UBE2O: variants seen among roughly 807,000 people sequenced by gnomAD.
The protein encoded by UBE2O is (E3-independent) E2 ubiquitin-conjugating enzyme.
A neutral mutation model predicts 125.8 loss-of-function variants in UBE2O; 15 were observed. The observed-to-expected ratio is 0.12, with a 90% confidence interval of 0.08 to 0.18. The LOEUF (loss-of-function observed/expected upper bound fraction) is 0.18. Among genes scored for constraint, UBE2O ranks in the 10% least tolerant of loss-of-function variants. UBE2O has a pLI of 1.00. For missense variants in UBE2O, 1,280 were observed against 1,723.6 expected, an observed-to-expected ratio of 0.74 and a Z score of 4.56; for synonymous variants, 708 against 703.2, an observed-to-expected ratio of 1.01 and a Z score of -0.11.
rs531040975 is a variant in UBE2O at position 76,400,491 on chromosome 17, C to T, written c.954G>A (p.Thr318=). Residue 318 remains threonine (T), a synonymous_variant, in exon 7 of 18, where the codon ACG becomes ACA. Transcript: ENST00000319380. The surrounding 1 kb of genome is among the most constrained non-coding windows in gnomAD (Gnocchi z 4.3). The part of the protein sequence containing the change: ...WITKSFCPGG[T]DSVSPPPSVI... ...CAGAGGGTGGGGGGCTGACGCTGTC[C>T]GTGCCCCCTGGACAGAAACTCTTGG... 1.2e-5 allele frequency: 20 copies of T among 1,613,394 alleles called. No homozygotes were observed. Among genetic ancestry groups the T allele is most frequent in the African/African-American group, 9.3e-5 (7 of 75,022 alleles).
At chr17:76,401,188 G>A in intron 5 of UBE2O, 34 bp from the exon 6 acceptor site, 1 of 1,609,528 alleles carries the variant, frequency 6.2e-7, no homozygotes, top group Non-Finnish European at 8.5e-7. Context: ...AAGTCCCCGT[G>A]AGCGGTGTCT....
At chr17:76,450,778 A>C (rs918168332) in intron 1 of UBE2O, among the ~76,000 whole-genome samples, 1 of 152,070 alleles carries the variant, frequency 6.6e-6, no homozygotes, top group Non-Finnish European at 1.5e-5. Flanking sequence ...TGCGCCACCA[A>C]GCCCAGCTAA....
chr17:76,405,484 CGGGGCT>C lies in UBE2O; in HGVS notation c.477+23_477+28del, dbSNP rs1410476709. 5 of 1,588,466 alleles carry C rather than the reference CGGGGCT, an allele frequency of 3.1e-6. No homozygotes were observed. Among genetic ancestry groups the C allele is most frequent in the Non-Finnish European group, 4.3e-6 (5 of 1,169,952 alleles). ...TCCCTAAGGTGGCTGCCCCCAGGCCCGGGGCTGGGGTGGGGACGCAGGACTCACGGT... is the reference window on the plus strand; with the variant it reads ...TCCCTAAGGTGGCTGCCCCCAGGCCCGGGGTGGGGACGCAGGACTCACGGT... On this transcript the variant is annotated intron_variant, in intron 2 of 17. Coordinates refer to ENST00000319380, the MANE Select transcript of UBE2O (RefSeq NM_022066.4). The surrounding 1 kb of genome is among the most constrained non-coding windows in gnomAD (Gnocchi z 6.1).
intron 1 of UBE2O, among the ~76,000 whole-genome samples, chr17:76,445,833 C>T (rs1477206685): frequency 1.3e-5 from 2 of 152,186 alleles, no homozygotes; most frequent in African/African-American, 2.4e-5. Flanking sequence ...CTGACAGAGT[C>T]CCCCCGTGGC....
intron 1 of UBE2O, among the ~76,000 whole-genome samples, chr17:76,416,114 CATAT>C (rs1419484364): frequency 6.6e-6 from 1 of 150,724 alleles, no homozygotes; most frequent in Non-Finnish European, 1.5e-5. Context: ...TATGTGTATA[CATAT>C]ATACATATAT....
intron 1 of UBE2O, among the ~76,000 whole-genome samples, chr17:76,416,236 A>G (rs376776215): frequency 6.6e-6 from 1 of 152,004 alleles, no homozygotes; most frequent in South Asian, 2.1e-4. Flanking sequence ...ATATGTGTAT[A>G]TATGTGTGTA....
chr17:76,450,066 A>C (rs2073213086), intron 1 of UBE2O, among the ~76,000 whole-genome samples: 1 of 150,126 alleles, frequency 6.7e-6, no homozygotes, highest in Non-Finnish European at 1.5e-5. Context: ...CAAAAATAAT[A>C]AACAAACCAG....
chr17:76,435,636 GC>G (rs981628223), intron 1 of UBE2O, among the ~76,000 whole-genome samples: 2 of 152,182 alleles, frequency 1.3e-5, no homozygotes, highest in Non-Finnish European at 2.9e-5. Context: ...GTGATCTCGT[GC>G]AATCCCCAGT....
At chr17:76,444,856 C>T (rs1598624367) in intron 1 of UBE2O, among the ~76,000 whole-genome samples, 2 of 152,354 alleles carry the variant, frequency 1.3e-5, no homozygotes, top group Admixed American at 6.5e-5. Flanking sequence ...TACCGGGATG[C>T]TTTCAGCACT....
Position 76,401,081 on chromosome 17 carries a change from C to G in UBE2O, c.824G>C (p.Ser275Thr), listed in dbSNP as rs2143708952. ...CTTGACACCTGACAGCCACTGGACGCTGGAGAAGATCTTGGCAGGGCCAAT... is the reference window on the plus strand; with the variant it reads ...CTTGACACCTGACAGCCACTGGACGGTGGAGAAGATCTTGGCAGGGCCAAT... Reference protein sequence around the residue: ...VLIGPAKIFSSVQWLSGVKPV... With the variant: ...VLIGPAKIFSTVQWLSGVKPV... The change falls in exon 6 of 18, where the codon AGC becomes ACC. Residue 275 changes from serine (S) to threonine (T), a missense_variant. By Grantham distance (58) the Ser-to-Thr change is moderately conservative. Transcript: ENST00000319380. 1 of 1,613,954 alleles carries G rather than the reference C, an allele frequency of 6.2e-7. No individual in the cohort carries two copies. Among genetic ancestry groups the G allele is most frequent in the Non-Finnish European group, 8.5e-7 (1 of 1,180,042 alleles).
chr17:76,416,071 A>G (rs1241561409), intron 1 of UBE2O, among the ~76,000 whole-genome samples: 1 of 151,480 alleles, frequency 6.6e-6, no homozygotes, highest in African/African-American at 2.4e-5. Flanking sequence ...GTATATACGT[A>G]TGTGTATACA....
At chr17:76,392,329 G>C (rs984907965) in intron 15 of UBE2O, among the ~76,000 whole-genome samples, 1 of 151,882 alleles carries the variant, frequency 6.6e-6, no homozygotes, top group Non-Finnish European at 1.5e-5. Context: ...TTTGAGACAG[G>C]GTCTTGCTGT....
At chr17:76,428,568 A>C (rs1321452058) in intron 1 of UBE2O, among the ~76,000 whole-genome samples, 5 of 152,172 alleles carry the variant, frequency 3.3e-5, no homozygotes, top group Non-Finnish European at 5.9e-5. Context: ...CTCCTACCTG[A>C]ATCAGCTCTG....
chr17:76,429,541 CAA>C (rs61081315), intron 1 of UBE2O, among the ~76,000 whole-genome samples: 1,089 of 71,778 alleles, frequency 0.015, 7 homozygotes, highest in African/African-American at 0.044. Context: ...GACTCTGTCT[CAA>C]AAAAAAAAAA....
Position 76,390,703 on chromosome 17 carries a change from A to C in UBE2O, c.*240T>G. The C allele has an allele frequency of 2.4e-6, 1 of 424,626 alleles. No homozygotes were observed. The allele number at this position is 424,626 out of a possible 1,614,324, so 26.3% of individuals were successfully genotyped here. Reference sequence around the variant, plus strand: ...TGGGGTGACAAATGGAAAATCGGCAACAGGGTTCCGATTTTCTTTGCCACA... The same window carrying C: ...TGGGGTGACAAATGGAAAATCGGCACCAGGGTTCCGATTTTCTTTGCCACA... On this transcript the variant is annotated 3_prime_UTR_variant, in exon 18 of 18. Coordinates refer to ENST00000319380, the MANE Select transcript of UBE2O (RefSeq NM_022066.4).
In UBE2O at chr17:76,391,715, G is replaced by A. The variant is rs763243551; in HGVS notation, c.3208+41C>T. The stretch of plus-strand genomic sequence containing the variant: ...ACTATCAGAGTCACTTTCCTCCACC[G>A]GCCCTCCCTTGTCCGCACCCCCGCT... On this transcript the variant is annotated intron_variant, in intron 17 of 17. Transcript: ENST00000319380. The surrounding 1 kb of genome is among the most constrained non-coding windows in gnomAD (Gnocchi z 8.4). The A allele has an allele frequency of 3.2e-5, 52 of 1,611,688 alleles. No individual in the cohort carries two copies. Among genetic ancestry groups the A allele is most frequent in the South Asian group, 8.8e-5 (8 of 90,752 alleles).
At chr17:76,417,928 C>G (rs1465564337) in intron 1 of UBE2O, among the ~76,000 whole-genome samples, 1 of 152,202 alleles carries the variant, frequency 6.6e-6, no homozygotes, top group Non-Finnish European at 1.5e-5. Context: ...GTATTTGAGT[C>G]CTGGCTCACT....
rs770449417 is a variant in UBE2O at position 76,398,488 on chromosome 17, C to G, written c.1880G>C (p.Ser627Thr). 23 of 1,614,050 alleles carry G rather than the reference C, an allele frequency of 1.4e-5. No homozygotes were observed. Among genetic ancestry groups the G allele is most frequent in the Non-Finnish European group, 1.9e-5 (22 of 1,180,032 alleles). Residue 627 changes from serine to threonine, a missense_variant, in exon 11 of 18, where the codon AGT becomes ACT. Physicochemically the swap from Ser to Thr is moderately conservative, Grantham distance 58. Transcript: ENST00000319380. The surrounding 1 kb of genome is among the most constrained non-coding windows in gnomAD (Gnocchi z 5.4). Reference protein sequence around the residue: ...CMVKWFKLRPSGDDVELIGEE... With the variant: ...CMVKWFKLRPTGDDVELIGEE... ...TGCACACACCTCCACGTCGTCCCCA[C>G]TCGGCCTCAGCTTGAACCACTTCAC...
At chr17:76,425,720 T>G (rs911744196) in intron 1 of UBE2O, among the ~76,000 whole-genome samples, 2 of 152,268 alleles carry the variant, frequency 1.3e-5, no homozygotes, top group African/African-American at 4.8e-5. Context: ...CACACAACTA[T>G]GTACATATTG....
Sources: allele counts gnomAD v4.1 joint callset (sites outside exome capture counted in the v4.1 genomes callset), GRCh38; gene constraint gnomAD v4.1.1; non-coding constraint Gnocchi (gnomAD v3.1); transcripts MANE v1.5; gene names NCBI Gene and HGNC (gene_info 2026-07-23, HGNC 2026-07-21).